ANTXR2: variants seen among roughly 807,000 people sequenced by gnomAD.
ANTXR2 encodes the protein ANTXR cell adhesion molecule 2, also known as anthrax toxin receptor 2.
In ANTXR2, 44 loss-of-function variants were observed where a neutral mutation model predicts 73.7. That is an observed-to-expected ratio of 0.60 (90% confidence interval 0.47 to 0.77). The LOEUF (loss-of-function observed/expected upper bound fraction) is 0.77. Ranked by LOEUF, ANTXR2 falls within the 30% of genes least tolerant of loss-of-function variation. ANTXR2 has a pLI of 0.00. For missense variants in ANTXR2, 604 were observed against 592.5 expected (o/e 1.02, Z -0.20); for synonymous variants, 217 against 205.9 (o/e 1.05, Z -0.46).
At chr4:79,957,971 A>T (rs1023381154) in intron 16 of ANTXR2, among the ~76,000 whole-genome samples, 4 of 152,106 alleles carry the variant, frequency 2.6e-5, no homozygotes, top group Admixed American at 6.5e-5. Context: ...CCTTAAAAAC[A>T]TAATTTATAG....
chr4:80,029,745 T>C (rs1364867596), intron 10 of ANTXR2, among the ~76,000 whole-genome samples: 1 of 151,816 alleles, frequency 6.6e-6, no homozygotes, highest in Non-Finnish European at 1.5e-5. Flanking sequence ...TAAGTTCACA[T>C]ACAGTTCTAC....
intron 16 of ANTXR2, among the ~76,000 whole-genome samples, chr4:79,953,568 G>A (rs1578107922): frequency 6.6e-6 from 1 of 152,088 alleles, no homozygotes; most frequent in African/African-American, 2.4e-5. Context: ...ATTTGGGATT[G>A]TGTCATAATC....
At chr4:80,006,146 C>A (rs1233667095) in intron 12 of ANTXR2, among the ~76,000 whole-genome samples, 1 of 152,070 alleles carries the variant, frequency 6.6e-6, no homozygotes, top group East Asian at 1.9e-4. Flanking sequence ...GCAAACCCTT[C>A]CTCCTTTATG....
At chr4:80,050,133 C>G (rs1174402370) in intron 7 of ANTXR2, among the ~76,000 whole-genome samples, 3 of 151,716 alleles carry the variant, frequency 2.0e-5, no homozygotes, top group Non-Finnish European at 4.4e-5. Context: ...CTAATTAGTA[C>G]TATAAGTCCC....
chr4:79,927,565 T>G (rs2109955638), intron 16 of ANTXR2, among the ~76,000 whole-genome samples: 1 of 152,342 alleles, frequency 6.6e-6, no homozygotes, highest in Admixed American at 6.5e-5. Flanking sequence ...GTAAATGCTA[T>G]GCAAATACTT....
chr4:80,023,872 C>T (rs1489158406), intron 10 of ANTXR2, among the ~76,000 whole-genome samples: 2 of 152,142 alleles, frequency 1.3e-5, no homozygotes, highest in Non-Finnish European at 2.9e-5. Flanking sequence ...CATTGAGTCC[C>T]TGGATGCCAT....
chr4:79,962,916 T>A (rs1729198088), intron 16 of ANTXR2, among the ~76,000 whole-genome samples: 1 of 152,126 alleles, frequency 6.6e-6, no homozygotes, highest in African/African-American at 2.4e-5. Context: ...ATGCAGTCAT[T>A]AGCAGCATAA....
chr4:80,033,089 A>G (rs1042698811), intron 9 of ANTXR2, among the ~76,000 whole-genome samples: 1 of 151,962 alleles, frequency 6.6e-6, no homozygotes, highest in African/African-American at 2.4e-5. Context: ...AAGAAGCCTG[A>G]GGAAAGAAGC....
rs1191719466 is a variant in ANTXR2 at position 80,069,467 on chromosome 4, C to T, written c.265G>A (p.Ala89Thr). 2 of 1,605,878 alleles carry T rather than the reference C, an allele frequency of 1.2e-6. No individual in the cohort carries two copies. Among genetic ancestry groups the T allele is most frequent in the Non-Finnish European group, 1.7e-6 (2 of 1,175,154 alleles). Residue 89 changes from alanine (A) to threonine (T), a missense_variant, in exon 3 of 17, where the codon GCA (alanine) becomes ACA (threonine). By Grantham distance (58) the Ala-to-Thr change is moderately conservative. Coordinates refer to ENST00000403729, the MANE Select transcript of ANTXR2 (RefSeq NM_058172.6). ...RLSFIVFSSQ[A>T]TIILPLTGDR... Reference sequence around the variant, plus strand: ...CCAGTTAATGGCAAAATAATAGTTGCTTGAGAAGAAAACACAATGAAAGAT... The same window carrying T: ...CCAGTTAATGGCAAAATAATAGTTGTTTGAGAAGAAAACACAATGAAAGAT...
chr4:80,043,630 T>C (rs1046720053), intron 7 of ANTXR2, among the ~76,000 whole-genome samples: 4 of 152,034 alleles, frequency 2.6e-5, no homozygotes, highest in African/African-American at 9.7e-5. Flanking sequence ...ACTAATTTCA[T>C]GGAATTTTTC....
chr4:80,063,268 T>C (rs1366982937), intron 3 of ANTXR2, among the ~76,000 whole-genome samples: 2 of 152,180 alleles, frequency 1.3e-5, no homozygotes, highest in Non-Finnish European at 2.9e-5. Context: ...AGCTAGTATG[T>C]AGCTCCTATG....
chr4:80,038,772 T>C (rs7667228), intron 7 of ANTXR2, among the ~76,000 whole-genome samples: 24,593 of 152,020 alleles, frequency 0.16, 3,014 homozygotes, highest in African/African-American at 0.35. Context: ...GCACAAGTCA[T>C]AACATTGGTA....
At position 80,029,339 on chromosome 4, in the gene ANTXR2, T is replaced by A. The variant is rs184290441; in HGVS notation, c.866+2284A>T. ...GTCACTATTATTTGAAAGCCAAGAT[T>A]TTTTTTTTCTGCTTTAAATAGTATG... On this transcript the variant is annotated intron_variant, in intron 10 of 16. Transcript: ENST00000403729. 2.4e-5 allele frequency among the ~76,000 whole-genome samples: 3 copies of A among 123,574 alleles called. No individual in the cohort carries two copies. The East Asian group carries it at 4.9e-3, about 200-fold the overall frequency. 81.1% of individuals were successfully genotyped at this position (123,574 alleles called of 152,430 possible).
At chr4:79,983,319 A>C (rs1424597250) in intron 14 of ANTXR2, among the ~76,000 whole-genome samples, 1 of 152,164 alleles carries the variant, frequency 6.6e-6, no homozygotes, top group Non-Finnish European at 1.5e-5. Context: ...TTAAGATATA[A>C]TATTAAAGTT....
At chr4:80,011,728 T>A (rs1029391124) in intron 11 of ANTXR2, among the ~76,000 whole-genome samples, 1 of 152,178 alleles carries the variant, frequency 6.6e-6, no homozygotes, top group African/African-American at 2.4e-5. Flanking sequence ...CCCCAATATG[T>A]TTATAAAGTT....
chr4:80,048,953 C>A (rs945558162), intron 7 of ANTXR2, among the ~76,000 whole-genome samples: 1 of 151,600 alleles, frequency 6.6e-6, no homozygotes, highest in Non-Finnish European at 1.5e-5. Context: ...TATGGATGAT[C>A]GTTCCCTTCC....
chr4:80,051,884 G>A (rs551899775), intron 7 of ANTXR2, among the ~76,000 whole-genome samples: 42 of 151,570 alleles, frequency 2.8e-4, no homozygotes, highest in African/African-American at 9.9e-4. Flanking sequence ...AACAATATAT[G>A]ATATCTTACA....
intron 16 of ANTXR2, among the ~76,000 whole-genome samples, chr4:79,954,862 T>C (rs1728831801): frequency 1.3e-5 from 2 of 152,140 alleles, no homozygotes; most frequent in South Asian, 2.1e-4. Context: ...CTTAATAAAA[T>C]GAGTCTATTA....
At chr4:80,000,882 T>G (rs1730997207) in intron 12 of ANTXR2, among the ~76,000 whole-genome samples, 1 of 152,046 alleles carries the variant, frequency 6.6e-6, no homozygotes, top group Admixed American at 6.6e-5. Flanking sequence ...GTTCAATATC[T>G]GAATATGAAT....
Sources: gnomAD v4.1 joint callset for allele counts (sites outside exome capture counted in the v4.1 genomes callset) on GRCh38, gnomAD v4.1.1 for gene constraint, MANE v1.5 for transcripts, NCBI Gene and HGNC (gene_info 2026-07-23, HGNC 2026-07-21) for gene names.